BRSK1: variants seen among roughly 807,000 people sequenced by gnomAD.
The protein encoded by BRSK1 is serine/threonine-protein kinase BRSK1.
BRSK1 carries 17 observed loss-of-function variants against 86.2 expected under a neutral mutation model. That is an observed-to-expected ratio of 0.20 (90% CI 0.14 to 0.30). BRSK1 has a LOEUF of 0.30. BRSK1 is among the 10% of genes least tolerant of loss of function. BRSK1 has a pLI of 1.00. For synonymous variants in BRSK1, 464 were observed against 440.1 expected, an observed-to-expected ratio of 1.05 and a Z score of -0.68; for missense variants, 719 against 1,071.9, an observed-to-expected ratio of 0.67 and a Z score of 4.60.
At position 55,305,447 on chromosome 19, in the gene BRSK1, A is replaced by AC. The variant is rs1441314223; in HGVS notation, c.1767-11dup. 1 of 1,612,924 alleles carries AC rather than the reference A, an allele frequency of 6.2e-7. No homozygotes were observed. Among genetic ancestry groups the AC allele is most frequent in the East Asian group, 2.2e-5 (1 of 44,848 alleles). On this transcript the variant is annotated splice_polypyrimidine_tract_variant and intron_variant, in intron 15 of 18. Coordinates refer to ENST00000309383, the MANE Select transcript of BRSK1 (RefSeq NM_032430.2). ...GCGCCTTCCTAACCCTCCTCCAACC[A>AC]CCCCCTCCCACTCAGGCTGGCAAAA... is the stretch of plus-strand genomic sequence containing the variant.
chr19:55,305,274 G>A (rs1261397598), intron 14 of BRSK1, 47 bp from the exon 15 acceptor site: 3 of 1,610,056 alleles, frequency 1.9e-6, no homozygotes, highest in Non-Finnish European at 2.5e-6. Context: ...CTGGCAACTG[G>A]GATGATGCAC....
chr19:55,306,165 G>T lies in BRSK1; in HGVS notation c.1891-87G>T, dbSNP rs1452933549. ...CTTCTTTCCCTCCAGTGGCTCATGG[G>T]ACTCGTAGTTCCTTGGCCAGAGCTG... On this transcript the variant is annotated intron_variant, in intron 16 of 18. Coordinates refer to ENST00000309383, the MANE Select transcript of BRSK1 (RefSeq NM_032430.2). This position sits in a 1 kb window ranked among gnomAD's most constrained non-coding sequence, Gnocchi z 4.7. The T allele has an allele frequency of 7.4e-7, 1 of 1,351,428 alleles. No individual in the cohort carries two copies. Among genetic ancestry groups the T allele is most frequent in the Non-Finnish European group, 1.0e-6 (1 of 971,492 alleles). The allele number at this position is 1,351,428 out of a possible 1,614,324, so 83.7% of individuals were successfully genotyped here.
At chr19:55,289,709 T>C in intron 4 of BRSK1, 89 bp downstream of exon 4, 1 of 1,509,058 alleles carries the variant, frequency 6.6e-7, no homozygotes, top group Non-Finnish European at 8.9e-7. Context: ...GCAAAAGCCA[T>C]GTGGTCGGCC....
At position 55,301,539 on chromosome 19, in the gene BRSK1, C is replaced by T; in HGVS notation, c.706C>T (p.Leu236Phe). ...GGCTCTGCCCTTTGATGACGACAAC[C>T]TCCGCCAGCTGCTGGAGAAGGTGAA... ...VGALPFDDDN[L>F]RQLLEKVKRG... Residue 236 changes from leucine (L) to phenylalanine (F), a missense_variant, in exon 8 of 19, where the codon CTC (leucine) becomes TTC (phenylalanine). Physicochemically the swap from Leu to Phe is conservative, Grantham distance 22. Coordinates refer to ENST00000309383, the MANE Select transcript of BRSK1 (RefSeq NM_032430.2). 1 of 1,613,950 alleles carries T rather than the reference C, an allele frequency of 6.2e-7. No homozygotes were observed. Among genetic ancestry groups the T allele is most frequent in the Non-Finnish European group, 8.5e-7 (1 of 1,179,972 alleles).
At chr19:55,307,284 GCGCGGTGGCTCACGCC>G (rs1168005000) in intron 17 of BRSK1, among the ~76,000 whole-genome samples, 3 of 152,194 alleles carry the variant, frequency 2.0e-5, no homozygotes, top group Non-Finnish European at 2.9e-5. Context: ...TGCAGGCTGG[GCGCGGTGGCTCACGCC>G]TGTAATCCCA....
At chr19:55,296,304 G>C (rs2088486186) in intron 7 of BRSK1, among the ~76,000 whole-genome samples, 1 of 152,148 alleles carries the variant, frequency 6.6e-6, no homozygotes, top group Non-Finnish European at 1.5e-5. Context: ...CCGATGTCTG[G>C]GGCATCTGTC....
chr19:55,298,006 G>T (rs1157401624), intron 7 of BRSK1, among the ~76,000 whole-genome samples: 1 of 151,772 alleles, frequency 6.6e-6, no homozygotes, highest in African/African-American at 2.4e-5. Flanking sequence ...GTAGAGATGG[G>T]GTTTCTCCAT....
Position 55,305,346 on chromosome 19 carries a change from C to G in BRSK1, c.1743C>G (p.Ser581Arg). 1 of 1,614,158 alleles carries G rather than the reference C, an allele frequency of 6.2e-7. No individual in the cohort carries two copies. Among genetic ancestry groups the G allele is most frequent in the African/African-American group, 1.3e-5 (1 of 75,044 alleles). ...TCCCTACCGCTGAGGAGATGTCCAG[C>G]TTGACGCCAGAGTCCTCCCCGGAGT... ...MQVPTAEEMS[S>R]LTPESSPELA... Residue 581 changes from serine (S) to arginine (R), a missense_variant, in exon 15 of 19, where the codon AGC becomes AGG. Ser to Arg is a moderately radical substitution (Grantham distance 110). Transcript: ENST00000309383.
chr19:55,300,837 A>G (rs1168668069), intron 7 of BRSK1, among the ~76,000 whole-genome samples: 1 of 152,154 alleles, frequency 6.6e-6, no homozygotes, highest in Non-Finnish European at 1.5e-5. Flanking sequence ...GCGAAACTCC[A>G]TCTCAAAAAA....
chr19:55,288,000 ACACGGGAAGCTGT>A lies in BRSK1; in HGVS notation c.317+703_317+715del, dbSNP rs1600170223. ...CGTCGATGCTGGCGCAGGTTTCACC[ACACGGGAAGCTGT>A]CTGCCCGGCGCTCATGGGACCTGCT... On this transcript the variant is annotated intron_variant, in intron 3 of 18. Transcript: ENST00000309383. The surrounding 1 kb of genome is among the most constrained non-coding windows in gnomAD (Gnocchi z 5.3). 6.5e-6 allele frequency: 1 copy of A among 154,570 alleles called. No homozygotes were observed. Among genetic ancestry groups the A allele is most frequent in the East Asian group, 1.9e-4 (1 of 5,202 alleles). The allele number at this position is 154,570 out of a possible 1,614,324, so 9.6% of individuals were successfully genotyped here.
In BRSK1 at chr19:55,304,522, C is replaced by A. The variant is rs550413555; in HGVS notation, c.1348-29C>A. 1.3e-6 allele frequency: 2 copies of A among 1,521,598 alleles called. No individual in the cohort carries two copies. Among genetic ancestry groups the A allele is most frequent in the South Asian group, 2.6e-5 (2 of 76,252 alleles). 94.3% of individuals were successfully genotyped at this position (1,521,598 alleles called of 1,614,324 possible). A position where few individuals can be genotyped will look rare whatever the true frequency, so the allele number is the denominator to read the frequency against. On this transcript the variant is annotated intron_variant, in intron 13 of 18. Transcript: ENST00000309383. The surrounding 1 kb of genome is among the most constrained non-coding windows in gnomAD (Gnocchi z 5.2). ...AGCCTCCTGGGAGTTGTAGTCCACT[C>A]GCTTATCTCAGTCTCCTGTCCTCTG...
rs73605127 is a variant in BRSK1, at chr19:55,302,339, G to A, written c.857+171G>A. On this transcript the variant is annotated intron_variant, in intron 9 of 18. Coordinates refer to ENST00000309383, the MANE Select transcript of BRSK1 (RefSeq NM_032430.2). The surrounding 1 kb of genome is among the most constrained non-coding windows in gnomAD (Gnocchi z 6.3). ...GGACACAGCTAGAGAAGGAGTCTAGGGGTCAGAGGCAGGAGGGGCTAAGCT... is the reference window on the plus strand; with the variant it reads ...GGACACAGCTAGAGAAGGAGTCTAGAGGTCAGAGGCAGGAGGGGCTAAGCT... 4,380 of 790,116 alleles carry A rather than the reference G, an allele frequency of 5.5e-3. 141 individuals carry two copies. In the African/African-American group the frequency reaches 0.067, roughly 12 times the overall value. The allele number at this position is 790,116 out of a possible 1,614,324, so 48.9% of individuals were successfully genotyped here.
intron 18 of BRSK1, among the ~76,000 whole-genome samples, chr19:55,309,972 A>G (rs752059659): frequency 2.5e-4 from 38 of 152,158 alleles, no homozygotes; most frequent in Admixed American, 5.9e-4. Flanking sequence ...GGACCCCTGG[A>G]CCCCGTTGAA....
intron 7 of BRSK1, among the ~76,000 whole-genome samples, chr19:55,295,162 G>A (rs572278299): frequency 1.9e-4 from 29 of 151,294 alleles, no homozygotes; most frequent in African/African-American, 5.8e-4. Flanking sequence ...TCTCTCTGTC[G>A]CCCAGGCTGG....
intron 7 of BRSK1, among the ~76,000 whole-genome samples, chr19:55,296,110 G>T (rs1447845731): frequency 6.6e-6 from 1 of 152,008 alleles, no homozygotes; most frequent in Non-Finnish European, 1.5e-5. Flanking sequence ...CTGCTCAGTT[G>T]TCACATTTCC....
rs762871866 is a variant in BRSK1, at chr19:55,302,198, C to T, written c.857+30C>T. 9.3e-6 allele frequency: 15 copies of T among 1,613,664 alleles called. No homozygotes were observed. The Middle Eastern group carries it at 8.2e-4, about 88-fold the overall frequency. On this transcript the variant is annotated intron_variant, in intron 9 of 18. Coordinates refer to ENST00000309383, the MANE Select transcript of BRSK1 (RefSeq NM_032430.2). The surrounding 1 kb of genome is among the most constrained non-coding windows in gnomAD (Gnocchi z 6.3). ...GTATGGGGTAACTGGACTCTTGGGT[C>T]CCTGGCGGAAATAGGGGAGGGGCCA... is the stretch of plus-strand genomic sequence containing the variant.
In BRSK1 at chr19:55,287,139, G is replaced by T; in HGVS notation, c.231+38G>T. On this transcript the variant is annotated intron_variant, in intron 2 of 18. Coordinates refer to ENST00000309383, the MANE Select transcript of BRSK1 (RefSeq NM_032430.2). The surrounding 1 kb of genome is among the most constrained non-coding windows in gnomAD (Gnocchi z 5.3). ...GCTGCAGTGTGCCTGCGGGTGGGGGGGCCTCCGGGGCTGAGGGCAGGGGCG... is the reference window on the plus strand; with the variant it reads ...GCTGCAGTGTGCCTGCGGGTGGGGGTGCCTCCGGGGCTGAGGGCAGGGGCG... 2 of 1,612,392 alleles carry T rather than the reference G, an allele frequency of 1.2e-6. No homozygotes were observed. Among genetic ancestry groups the T allele is most frequent in the Non-Finnish European group, 1.7e-6 (2 of 1,178,728 alleles).
rs1021605555 is a variant in BRSK1 at position 55,299,517 on chromosome 19, C to T, written c.679-1995C>T. ...TCTCCTGCCTCAGCCACCCGAGTAGCTGGGATTACAGGCGCCCGCCACTTT... is the reference window on the plus strand; with the variant it reads ...TCTCCTGCCTCAGCCACCCGAGTAGTTGGGATTACAGGCGCCCGCCACTTT... On this transcript the variant is annotated intron_variant, in intron 7 of 18. Coordinates refer to ENST00000309383, the MANE Select transcript of BRSK1 (RefSeq NM_032430.2). Among the ~76,000 whole-genome samples the T allele has an allele frequency of 2.8e-4, 42 of 151,666 alleles. 1 individual carries two copies. Among genetic ancestry groups the T allele is most frequent in the Admixed American group, 3.9e-4 (6 of 15,224 alleles).
rs1390919464 is a variant in BRSK1, at chr19:55,294,864, C to T, written c.678+467C>T. ...TTGCCCAGGCTGGAGTGCAGTGGTG[C>T]AGTCTTGGCTCACTGCAACCTACGC... On this transcript the variant is annotated intron_variant, in intron 7 of 18. Coordinates refer to ENST00000309383, the MANE Select transcript of BRSK1 (RefSeq NM_032430.2). The surrounding 1 kb of genome is among the most constrained non-coding windows in gnomAD (Gnocchi z 4.9). 6.6e-6 allele frequency among the ~76,000 whole-genome samples: 1 copy of T among 151,848 alleles called. No individual in the cohort carries two copies. Among genetic ancestry groups the T allele is most frequent in the Non-Finnish European group, 1.5e-5 (1 of 67,960 alleles).
Sources: gnomAD v4.1 joint callset for allele counts (sites outside exome capture counted in the v4.1 genomes callset) on GRCh38, gnomAD v4.1.1 for gene constraint, Gnocchi (gnomAD v3.1) non-coding constraint, MANE v1.5 for transcripts, NCBI Gene and HGNC (gene_info 2026-07-23, HGNC 2026-07-21) for gene names.